LIFR: variants seen among roughly 807,000 people sequenced by gnomAD.
The protein encoded by LIFR is LIF receptor subunit alpha.
Under a neutral mutation model 122.2 loss-of-function variants are expected in LIFR, and 84 were observed. The ratio of observed to expected loss-of-function variants is 0.69; its 90% CI spans 0.58 to 0.82. The LOEUF is 0.82. Ranked by LOEUF, LIFR falls within the 40% of genes least tolerant of loss-of-function variation. The pLI is 0.00. For synonymous variants in LIFR, 422 were observed against 434.7 expected (o/e 0.97, Z 0.36); for missense variants, 1,294 against 1,311.6 (o/e 0.99, Z 0.21).
chr5:38,484,953 G>A, intron 17 of LIFR, 85 bp from the exon 18 acceptor site: 3 of 946,820 alleles, frequency 3.2e-6, no homozygotes, highest in East Asian at 2.6e-5. Flanking sequence ...TATTTAGGTT[G>A]GTAAATTATT....
At chr5:38,573,916 A>G (rs1194267466) in intron 1 of LIFR, among the ~76,000 whole-genome samples, 2 of 152,106 alleles carry the variant, frequency 1.3e-5, no homozygotes, top group South Asian at 4.1e-4. Flanking sequence ...GCTGAGGCAG[A>G]CCAGCCTGGC....
chr5:38,592,720 T>A (rs928827066), intron 1 of LIFR, among the ~76,000 whole-genome samples: 1 of 152,090 alleles, frequency 6.6e-6, no homozygotes, highest in South Asian at 2.1e-4. Context: ...TCTATTTTTT[T>A]AGAAAAAACT....
upstream of LIFR, chr5:38,558,877 A>G (rs958653105): frequency 6.6e-6 from 1 of 152,208 alleles, no homozygotes; most frequent in African/African-American, 2.4e-5. Context: ...ACAATTCAAG[A>G]TGAGGTTTGG....
chr5:38,535,148 G>A (rs1478666359), intron 1 of LIFR, among the ~76,000 whole-genome samples: 1 of 152,136 alleles, frequency 6.6e-6, no homozygotes, highest in Admixed American at 6.5e-5. Flanking sequence ...CCTAGAAAGA[G>A]GCCTTGCACA....
intron 1 of LIFR, among the ~76,000 whole-genome samples, chr5:38,541,107 C>G (rs1369709338): frequency 6.6e-6 from 1 of 152,138 alleles, no homozygotes; most frequent in Non-Finnish European, 1.5e-5. Flanking sequence ...CTTCTCAAAA[C>G]AACAACTAAA....
Position 38,489,104 on chromosome 5 carries a change from G to A in LIFR, c.2309C>T (p.Thr770Ile), listed in dbSNP as rs760903325. 26 of 1,612,868 alleles carry A rather than the reference G, an allele frequency of 1.6e-5. No homozygotes were observed. The South Asian group carries it at 2.5e-4, about 16-fold the overall frequency. ...LFYFGKGERD[T>I]SKMRVLESGR... ...TGATTCTAAAACCCTCATCTTAGATGTGTCTCTTTCTCCTTTTCCAAAGTA... is the reference window on the plus strand; with the variant it reads ...TGATTCTAAAACCCTCATCTTAGATATGTCTCTTTCTCCTTTTCCAAAGTA... The change falls in exon 16 of 20, where the codon ACA (threonine) becomes ATA (isoleucine). Residue 770 changes from threonine (T) to isoleucine (I), a missense_variant. Transcript: ENST00000453190.
At chr5:38,510,810 CT>C in intron 6 of LIFR, 92 bp from the exon 7 acceptor site, 1 of 1,073,218 alleles carries the variant, frequency 9.3e-7, no homozygotes, top group Non-Finnish European at 1.4e-6. Flanking sequence ...CATAAGATGA[CT>C]TTTAAAATAG....
chr5:38,570,282 A>G (rs1321705505), intron 1 of LIFR, among the ~76,000 whole-genome samples: 1 of 152,162 alleles, frequency 6.6e-6, no homozygotes, highest in Non-Finnish European at 1.5e-5. Context: ...ATGGTACCTA[A>G]AGATTATTAG....
In LIFR at chr5:38,477,571, C is replaced by T. The variant is rs140501581; in HGVS notation, c.*4024G>A. The T allele has an allele frequency of 3.5e-4, 75 of 214,798 alleles. No homozygotes were observed. Among genetic ancestry groups the T allele is most frequent in the African/African-American group, 1.6e-3 (69 of 44,450 alleles). The allele number at this position is 214,798 out of a possible 1,614,324, so 13.3% of individuals were successfully genotyped here. On this transcript the variant is annotated 3_prime_UTR_variant, in exon 20 of 20. Transcript: ENST00000453190. ...ATCAAAGAAGAAGAAATTATGAACA[C>T]TTAAAATTATGGAGAAATAAGATAT...
At position 38,488,809 on chromosome 5, in the gene LIFR, T is replaced by C. The variant is rs550656392; in HGVS notation, c.2335+269A>G. ...TGTTATGGATTATGTACAGCTCTAA[T>C]AAGAGATGGTTTCTGTCCTATGAGG... On this transcript the variant is annotated intron_variant, in intron 16 of 19. Coordinates refer to ENST00000453190, the MANE Select transcript of LIFR (RefSeq NM_001127671.2). Among the ~76,000 whole-genome samples, 7 of 152,354 alleles carry C rather than the reference T, an allele frequency of 4.6e-5. No individual in the cohort carries two copies. The East Asian group carries it at 5.8e-4, about 13-fold the overall frequency.
intron 1 of LIFR, among the ~76,000 whole-genome samples, chr5:38,586,260 T>G (rs1407323516): frequency 2.0e-5 from 3 of 152,236 alleles, no homozygotes; most frequent in African/African-American, 7.2e-5. Context: ...AACTCACAGT[T>G]TCTTCCAGTG....
Position 38,510,616 on chromosome 5 carries a change from G to A in LIFR, c.839C>T (p.Ala280Val), listed in dbSNP as rs763718507. The stretch of plus-strand genomic sequence containing the variant: ...GGGGCAGTTTGTATGGCCAATCAGT[G>A]CTGATAACACTTTTTCTTGACTCAC... Reference protein sequence around the residue: ...CCVSQEKVLSALIGHTNCPLI... With the variant: ...CCVSQEKVLSVLIGHTNCPLI... The change falls in exon 7 of 20, where the codon GCA becomes GTA. Residue 280 changes from alanine to valine, a missense_variant. Ala to Val is a moderately conservative substitution (Grantham distance 64). Transcript: ENST00000453190. 3.2e-5 allele frequency: 51 copies of A among 1,613,896 alleles called. No individual in the cohort carries two copies. Among genetic ancestry groups the A allele is most frequent in the Non-Finnish European group, 4.3e-5 (51 of 1,179,962 alleles).
At chr5:38,506,751 AT>A in intron 7 of LIFR, 119 bp from the exon 8 acceptor site, 1 of 862,666 alleles carries the variant, frequency 1.2e-6, no homozygotes, top group Non-Finnish European at 1.8e-6. Flanking sequence ...TACTATTTAC[AT>A]TTTACTTTTG....
chr5:38,602,786 T>C (rs1318857038), intron 2 of LIFR, among the ~76,000 whole-genome samples: 1 of 152,172 alleles, frequency 6.6e-6, no homozygotes, highest in African/African-American at 2.4e-5. Context: ...GAATGTCAGA[T>C]GATGGTTCGA....
intron 13 of LIFR, among the ~76,000 whole-genome samples, chr5:38,494,787 G>A (rs900542852): frequency 2.0e-5 from 3 of 152,174 alleles, no homozygotes; most frequent in African/African-American, 4.8e-5. Flanking sequence ...GCAGGTGAGC[G>A]GCCCTTGACG....
intron 1 of LIFR, among the ~76,000 whole-genome samples, chr5:38,578,207 C>CTTTTTTTTTTTTTTT (rs3079294): frequency 3.1e-4 from 38 of 123,446 alleles, no homozygotes; most frequent in Middle Eastern, 4.9e-3. Context: ...TTTTCTTTTT[C>CTTTTTTTTTTTTTTT]TTTTTTTTTT....
upstream of LIFR, among the ~76,000 whole-genome samples, chr5:38,598,372 A>G (rs1750160654): frequency 6.7e-6 from 1 of 149,842 alleles, no homozygotes; most frequent in Admixed American, 6.6e-5. Context: ...TCAGCCTCCA[A>G]AGTAGCTGGA....
At chr5:38,578,674 C>T (rs1749478617) in intron 1 of LIFR, among the ~76,000 whole-genome samples, 2 of 151,976 alleles carry the variant, frequency 1.3e-5, no homozygotes. Flanking sequence ...GTCTCAGCCT[C>T]CTGAGTAGCT....
intron 1 of LIFR, among the ~76,000 whole-genome samples, chr5:38,545,871 G>GAAAAAAAAAAAAA (rs371497950): frequency 1.1e-5 from 1 of 87,642 alleles, no homozygotes. Flanking sequence ...CAAAAAAAAA[G>GAAAAAAAAAAAAA]AAAAAAAAAA....
Sources: allele counts gnomAD v4.1 joint callset (sites outside exome capture counted in the v4.1 genomes callset), GRCh38; gene constraint gnomAD v4.1.1; transcripts MANE v1.5; gene names NCBI Gene and HGNC (gene_info 2026-07-23, HGNC 2026-07-21).